The following SEMA6D variants were observed in gnomAD, a reference collection of about 807,000 sequenced individuals.
SEMA6D encodes the protein semaphorin 6D, also known as semaphorin-6D.
SEMA6D carries 35 observed loss-of-function variants against 106.6 expected under a neutral mutation model. That is an observed-to-expected ratio of 0.33 (90% confidence interval 0.25 to 0.44). The LOEUF is 0.44. Among genes scored for constraint, SEMA6D ranks in the 20% least tolerant of loss-of-function variants. SEMA6D has a pLI of 1.00. For synonymous variants in SEMA6D, 499 were observed against 487.7 expected (o/e 1.02, Z -0.31); for missense variants, 1,185 against 1,345.9 (o/e 0.88, Z 1.87).
chr15:47,562,040 T>C (rs2046096145), intron 3 of SEMA6D, among the ~76,000 whole-genome samples: 1 of 152,024 alleles, frequency 6.6e-6, no homozygotes, highest in South Asian at 2.1e-4. Context: ...TTTGAAGGTA[T>C]ATTATTAATG....
chr15:47,226,972 T>C (rs996412280), intron 1 of SEMA6D, among the ~76,000 whole-genome samples: 1 of 152,090 alleles, frequency 6.6e-6, no homozygotes, highest in African/African-American at 2.4e-5. Context: ...GTAAACCTAT[T>C]GGTTCAATAT....
At chr15:47,600,631 C>G (rs1282619774) in intron 3 of SEMA6D, among the ~76,000 whole-genome samples, 1 of 152,164 alleles carries the variant, frequency 6.6e-6, no homozygotes, top group Non-Finnish European at 1.5e-5. Flanking sequence ...TTTTCCTCAG[C>G]TGAACATATT....
At chr15:47,514,548 A>G (rs1364289812) in intron 3 of SEMA6D, among the ~76,000 whole-genome samples, 1 of 152,208 alleles carries the variant, frequency 6.6e-6, no homozygotes, top group Non-Finnish European at 1.5e-5. Context: ...ATACTTTAGC[A>G]TAATTTTGAT....
intron 1 of SEMA6D, among the ~76,000 whole-genome samples, chr15:47,251,779 G>A (rs2033523757): frequency 6.6e-6 from 1 of 151,050 alleles, no homozygotes; most frequent in African/African-American, 2.4e-5. Context: ...ATTTTATTTT[G>A]GTTTAAATTT....
At chr15:47,660,322 A>G (rs1213703364) in intron 4 of SEMA6D, among the ~76,000 whole-genome samples, 1 of 152,342 alleles carries the variant, frequency 6.6e-6, no homozygotes, top group Admixed American at 6.5e-5. Context: ...GTGTATGAAT[A>G]GAGGAGGCCT....
At chr15:47,643,190 T>G (rs1044929717) in intron 4 of SEMA6D, among the ~76,000 whole-genome samples, 1 of 152,252 alleles carries the variant, frequency 6.6e-6, no homozygotes, top group Non-Finnish European at 1.5e-5. Flanking sequence ...GAAGACCTCC[T>G]GTAGAATATA....
intron 1 of SEMA6D, among the ~76,000 whole-genome samples, chr15:47,323,669 G>A (rs1026364309): frequency 1.3e-5 from 2 of 152,134 alleles, no homozygotes; most frequent in African/African-American, 2.4e-5. Context: ...TGAAGGCGGA[G>A]TTTCACCAGG....
intron 1 of SEMA6D, among the ~76,000 whole-genome samples, chr15:47,335,755 A>C (rs2037527421): frequency 6.6e-6 from 1 of 152,170 alleles, no homozygotes; most frequent in African/African-American, 2.4e-5. Flanking sequence ...TAGGAAGAGA[A>C]AAAGGGGAGA....
intron 4 of SEMA6D, among the ~76,000 whole-genome samples, chr15:47,603,628 A>T (rs2076711386): frequency 6.6e-6 from 1 of 152,108 alleles, no homozygotes; most frequent in Admixed American, 6.6e-5. Context: ...GTCTAAAATG[A>T]AGTTACAAAT....
chr15:47,602,155 C>CAAGAA (rs1482155893), intron 4 of SEMA6D, among the ~76,000 whole-genome samples: 7 of 152,166 alleles, frequency 4.6e-5, no homozygotes, highest in Non-Finnish European at 8.8e-5. Flanking sequence ...CCTTCAGTTT[C>CAAGAA]TTCCATAATT....
chr15:47,542,841 T>C (rs753598273), intron 3 of SEMA6D, among the ~76,000 whole-genome samples: 14 of 152,084 alleles, frequency 9.2e-5, no homozygotes, highest in Non-Finnish European at 1.8e-4. Context: ...CTATGAGGCT[T>C]AGGACAGAAG....
At chr15:47,515,609 C>T (rs1405618056) in intron 3 of SEMA6D, among the ~76,000 whole-genome samples, 2 of 152,102 alleles carry the variant, frequency 1.3e-5, no homozygotes, top group African/African-American at 2.4e-5. Context: ...AGAGGAAGTA[C>T]AAAGTTCTGA....
intron 4 of SEMA6D, among the ~76,000 whole-genome samples, chr15:47,673,546 C>T (rs1440627531): frequency 6.6e-6 from 1 of 152,186 alleles, no homozygotes; most frequent in African/African-American, 2.4e-5. Flanking sequence ...GAAGATGTCA[C>T]ATTCCATCCA....
chr15:47,477,410 G>A (rs1375210012), intron 3 of SEMA6D, among the ~76,000 whole-genome samples: 1 of 152,078 alleles, frequency 6.6e-6, no homozygotes, highest in Non-Finnish European at 1.5e-5. Context: ...CTGGCCAGCT[G>A]CCACTCAAGT....
At chr15:47,731,248 G>T (rs1025994118) in intron 1 of SEMA6D, among the ~76,000 whole-genome samples, 1 of 151,910 alleles carries the variant, frequency 6.6e-6, no homozygotes, top group African/African-American at 2.4e-5. Flanking sequence ...CAGCTCTCAG[G>T]GGTCGATGCC....
chr15:47,282,015 A>G (rs1263905861), intron 1 of SEMA6D, among the ~76,000 whole-genome samples: 1 of 152,154 alleles, frequency 6.6e-6, no homozygotes, highest in East Asian at 1.9e-4. Context: ...CCATTACAAT[A>G]CTATACTGCC....
intron 4 of SEMA6D, chr15:47,603,813 A>G (rs984859605): frequency 1.3e-5 from 2 of 151,652 alleles, no homozygotes; most frequent in Non-Finnish European, 2.9e-5. Context: ...TTCCTGGTGT[A>G]TTGTTTCTGT....
chr15:47,544,018 A>G (rs562705984), intron 3 of SEMA6D, among the ~76,000 whole-genome samples: 33 of 152,266 alleles, frequency 2.2e-4, no homozygotes, highest in African/African-American at 7.7e-4. Flanking sequence ...TTTCCTATTC[A>G]TCTCCAATAA....
intron 1 of SEMA6D, among the ~76,000 whole-genome samples, chr15:47,303,328 A>T (rs1213888686): frequency 6.6e-6 from 1 of 152,192 alleles, no homozygotes; most frequent in Non-Finnish European, 1.5e-5. Context: ...AACGACTTGG[A>T]TGCTACATTT....
Sources: allele counts gnomAD v4.1 joint callset (sites outside exome capture counted in the v4.1 genomes callset), GRCh38; gene constraint gnomAD v4.1.1; transcripts MANE v1.5; gene names NCBI Gene and HGNC (gene_info 2026-07-23, HGNC 2026-07-21).